CNST: variants seen among roughly 807,000 people sequenced by gnomAD.
CNST encodes consortin.
Under a neutral mutation model 72.4 loss-of-function variants are expected in CNST, and 39 were observed. The observed-to-expected ratio is 0.54, with a 90% CI of 0.42 to 0.70. The LOEUF is 0.70. Among genes scored for constraint, CNST ranks in the 30% least tolerant of loss-of-function variants. The pLI, the probability that CNST is intolerant of heterozygous loss-of-function variation, is 0.00. For missense variants in CNST, 871 were observed against 868.5 expected, an observed-to-expected ratio of 1.00 and a Z score of -0.04; for synonymous variants, 332 against 320.1, an observed-to-expected ratio of 1.04 and a Z score of -0.40.
At chr1:246,593,051 C>CCT (rs1276679469) in intron 2 of CNST, among the ~76,000 whole-genome samples, 3 of 152,234 alleles carry the variant, frequency 2.0e-5, no homozygotes, top group Non-Finnish European at 4.4e-5. Flanking sequence ...AAGTAGAATG[C>CCT]CTCTTCATCT....
chr1:246,647,330 T>G lies in CNST; in HGVS notation c.1129T>G (p.Ser377Ala). ...AGCCACGTTAGCGCTCCACACCCAG[T>G]CCTCCGAGACAGCAGGGAGCCCGTC... ...AEATLALHTQ[S>A]SETAGSPSGP... The change falls in exon 9 of 11, where the codon TCC becomes GCC. Residue 377 changes from serine (S) to alanine (A), a missense_variant. Physicochemically the swap from Ser to Ala is moderately conservative, Grantham distance 99. Transcript: ENST00000366513. 6.2e-7 allele frequency: 1 copy of G among 1,614,102 alleles called. No individual in the cohort carries two copies. Among genetic ancestry groups the G allele is most frequent in the Non-Finnish European group, 8.5e-7 (1 of 1,180,030 alleles).
In CNST at chr1:246,647,725, T is replaced by A. The variant is rs1390424101; in HGVS notation, c.1524T>A (p.Asn508Lys). Residue 508 changes from asparagine (N) to lysine (K), a missense_variant, in exon 9 of 11, where the codon AAT becomes AAA. By Grantham distance (94) the Asn-to-Lys change is moderately conservative. Coordinates refer to ENST00000366513, the MANE Select transcript of CNST (RefSeq NM_152609.3). ...QAQADSDGSENVLCGNNQISD... is the reference protein window; with the variant it reads ...QAQADSDGSEKVLCGNNQISD... ...AGGCTGACTCAGACGGTTCTGAGAA[T>A]GTGCTCTGTGGAAATAATCAAATAT... is the stretch of plus-strand genomic sequence containing the variant. 1.9e-6 allele frequency: 3 copies of A among 1,614,018 alleles called. No homozygotes were observed.
At chr1:246,630,174 C>T (rs949030050) in intron 3 of CNST, among the ~76,000 whole-genome samples, 5 of 152,178 alleles carry the variant, frequency 3.3e-5, no homozygotes, top group Non-Finnish European at 5.9e-5. Flanking sequence ...GGAGTATTGA[C>T]ACCACTGAAA....
At chr1:246,659,155 A>G (rs1666927277) in intron 9 of CNST, among the ~76,000 whole-genome samples, 1 of 152,208 alleles carries the variant, frequency 6.6e-6, no homozygotes, top group Non-Finnish European at 1.5e-5. Flanking sequence ...AGAACCGCAC[A>G]GTGCCATTGT....
At chr1:246,641,710 AT>A (rs750972335) in intron 6 of CNST, 38 bp from the exon 7 acceptor site, 5 of 1,176,328 alleles carry the variant, frequency 4.3e-6, no homozygotes, top group Admixed American at 2.0e-5. Context: ...TGCTGCTGTA[AT>A]TTTTTTAAAA....
chr1:246,637,778 C>G (rs369590840), intron 6 of CNST, among the ~76,000 whole-genome samples: 3 of 152,092 alleles, frequency 2.0e-5, no homozygotes, highest in African/African-American at 7.2e-5. Context: ...GCATGGATGT[C>G]CCAATGGAGT....
chr1:246,664,616 C>T (rs138007972), intron 10 of CNST, among the ~76,000 whole-genome samples: 2,506 of 151,890 alleles, frequency 0.016, 126 homozygotes, highest in Admixed American at 0.11. Flanking sequence ...TTAGTAGAGA[C>T]GGGGTTTCAC....
At position 246,668,065 on chromosome 1, in the gene CNST, C is replaced by T. The variant is rs1667457838; in HGVS notation, c.*2160C>T. On this transcript the variant is annotated 3_prime_UTR_variant, in exon 11 of 11. Transcript: ENST00000366513. ...AGGGAGGGTGAGGTGAGCTCGGGAA[C>T]ATAACGATGTTTTGACTTACAATAG... 2 of 152,150 alleles carry T rather than the reference C, an allele frequency of 1.3e-5. No individual in the cohort carries two copies. Among genetic ancestry groups the T allele is most frequent in the African/African-American group, 4.8e-5 (2 of 41,424 alleles). The allele number at this position is 152,150 out of a possible 1,614,324, so 9.4% of individuals were successfully genotyped here. A position where few individuals can be genotyped will look rare whatever the true frequency, so the allele number is the denominator to read the frequency against.
In CNST at chr1:246,643,304, G is replaced by T. The variant is rs183635364; in HGVS notation, c.937+1267G>T. 1.3e-4 allele frequency among the ~76,000 whole-genome samples: 20 copies of T among 152,294 alleles called. 1 individual carries two copies. Among genetic ancestry groups the T allele is most frequent in the Admixed American group, 1.2e-3 (19 of 15,300 alleles). On this transcript the variant is annotated intron_variant, in intron 8 of 10. Transcript: ENST00000366513. ...CCTGGGGTCAGTCCTACTAGACTCTGTTCTTCCGTCTTTTCCAGTCATTTT... is the reference window on the plus strand; with the variant it reads ...CCTGGGGTCAGTCCTACTAGACTCTTTTCTTCCGTCTTTTCCAGTCATTTT...
chr1:246,668,085 C>A lies in CNST; in HGVS notation c.*2180C>A, dbSNP rs539859659. ...GGGAACATAACGATGTTTTGACTTACAATAGGCATGAAATCGCAACTAGAA... is the reference window on the plus strand; with the variant it reads ...GGGAACATAACGATGTTTTGACTTAAAATAGGCATGAAATCGCAACTAGAA... On this transcript the variant is annotated 3_prime_UTR_variant, in exon 11 of 11. Coordinates refer to ENST00000366513, the MANE Select transcript of CNST (RefSeq NM_152609.3). 6.6e-6 allele frequency: 1 copy of A among 152,256 alleles called. No individual in the cohort carries two copies. Among genetic ancestry groups the A allele is most frequent in the African/African-American group, 2.4e-5 (1 of 41,546 alleles). The allele number at this position is 152,256 out of a possible 1,614,324, so 9.4% of individuals were successfully genotyped here.
At position 246,667,725 on chromosome 1, in the gene CNST, A is replaced by G. The variant is rs915658067; in HGVS notation, c.*1820A>G. 2.0e-5 allele frequency: 3 copies of G among 152,342 alleles called. No individual in the cohort carries two copies. In the East Asian group the frequency reaches 5.8e-4, roughly 29 times the overall value. The allele number at this position is 152,342 out of a possible 1,614,324, so 9.4% of individuals were successfully genotyped here. ...TCTATAAAAGCTATTCACAAGTTCT[A>G]CTGTGATGGACATCCTCATCATAGA... On this transcript the variant is annotated 3_prime_UTR_variant, in exon 11 of 11. Coordinates refer to ENST00000366513, the MANE Select transcript of CNST (RefSeq NM_152609.3).
intron 3 of CNST, among the ~76,000 whole-genome samples, chr1:246,625,579 G>A (rs937408966): frequency 5.3e-5 from 8 of 151,334 alleles, no homozygotes; most frequent in East Asian, 1.9e-4. Flanking sequence ...GTGCCACCAC[G>A]CCCAGCTAAT....
At chr1:246,610,712 T>C (rs1016654404) in intron 2 of CNST, among the ~76,000 whole-genome samples, 1 of 152,110 alleles carries the variant, frequency 6.6e-6, no homozygotes, top group Non-Finnish European at 1.5e-5. Context: ...CTTAGCCAGG[T>C]CATCTATAAT....
chr1:246,586,109 A>ATGTGTGTGTGTGTGTGTGTG (rs371447612), intron 1 of CNST, among the ~76,000 whole-genome samples: 3 of 122,174 alleles, frequency 2.5e-5, no homozygotes, highest in Non-Finnish European at 4.9e-5. Context: ...ATATATATAT[A>ATGTGTGTGTGTGTGTGTGTG]TATGTGTGTG....
At chr1:246,635,477 G>A (rs1665144034) in intron 6 of CNST, among the ~76,000 whole-genome samples, 1 of 151,968 alleles carries the variant, frequency 6.6e-6, no homozygotes, top group African/African-American at 2.4e-5. Flanking sequence ...TCCAGGTTTG[G>A]ACTGGTACAC....
chr1:246,653,955 G>T (rs1666631860), intron 9 of CNST, among the ~76,000 whole-genome samples: 1 of 152,200 alleles, frequency 6.6e-6, no homozygotes, highest in Non-Finnish European at 1.5e-5. Flanking sequence ...TCCACGCCTT[G>T]TCTGGAAGTA....
At chr1:246,610,959 C>T (rs545400349) in intron 2 of CNST, among the ~76,000 whole-genome samples, 8 of 152,196 alleles carry the variant, frequency 5.3e-5, no homozygotes, top group African/African-American at 1.4e-4. Context: ...CCCGCTTGGC[C>T]GTGGGTTTTT....
At chr1:246,602,700 G>A (rs1232686983) in intron 2 of CNST, among the ~76,000 whole-genome samples, 1 of 152,166 alleles carries the variant, frequency 6.6e-6, no homozygotes, top group Non-Finnish European at 1.5e-5. Context: ...CAAGAGGCAG[G>A]AATCACGGGG....
At chr1:246,612,551 T>C (rs1443987643) in intron 2 of CNST, among the ~76,000 whole-genome samples, 1 of 152,170 alleles carries the variant, frequency 6.6e-6, no homozygotes, top group African/African-American at 2.4e-5. Flanking sequence ...ATGTTTAAAA[T>C]GTTAAATTTT....
Sources: gnomAD v4.1 joint callset for allele counts (sites outside exome capture counted in the v4.1 genomes callset) on GRCh38, gnomAD v4.1.1 for gene constraint, MANE v1.5 for transcripts, NCBI Gene and HGNC (gene_info 2026-07-23, HGNC 2026-07-21) for gene names.